VOPP1: variants seen among roughly 807,000 people sequenced by gnomAD.
VOPP1 encodes WW domain binding protein VOPP1.
VOPP1 carries 8 observed loss-of-function variants against 23.5 expected under a neutral mutation model. The observed-to-expected ratio is 0.34, with a 90% CI of 0.20 to 0.61. The LOEUF is 0.61. Among genes scored for constraint, VOPP1 ranks in the 20% least tolerant of loss-of-function variants. The pLI, the probability that VOPP1 is intolerant of heterozygous loss-of-function variation, is 0.78. For missense variants in VOPP1, 174 were observed against 238.1 expected (o/e 0.73, Z 1.77); for synonymous variants, 83 against 97.3 (o/e 0.85, Z 0.86).
chr7:55,516,905 C>CATATATATATATATATAT lies in VOPP1; in HGVS notation c.113+4149_113+4166dup, dbSNP rs1214913971. Among the ~76,000 whole-genome samples the CATATATATATATATATAT allele has an allele frequency of 3.0e-4, 13 of 43,168 alleles. No homozygotes were observed. In the East Asian group the frequency reaches 3.2e-3, roughly 11 times the overall value. The allele number at this position is 43,168 out of a possible 152,430, so 28.3% of individuals were successfully genotyped here. ...TGTACTTTTTAGATGAGATCCATTA[C>CATATATATATATATATAT]ATATATATATATATATATATATATA... On this transcript the variant is annotated intron_variant, in intron 2 of 4. Coordinates refer to ENST00000285279, the MANE Select transcript of VOPP1 (RefSeq NM_030796.5).
chr7:55,568,795 T>C (rs930335354), intron 1 of VOPP1, among the ~76,000 whole-genome samples: 2 of 152,208 alleles, frequency 1.3e-5, no homozygotes, highest in Admixed American at 1.3e-4. Flanking sequence ...AAAACCTTTT[T>C]TTTTCCTTTT....
chr7:55,515,054 G>A (rs1203138112), intron 2 of VOPP1, among the ~76,000 whole-genome samples: 3 of 152,126 alleles, frequency 2.0e-5, no homozygotes, highest in Non-Finnish European at 2.9e-5. Flanking sequence ...ATACAGGCAC[G>A]CCCTGTCACC....
intron 4 of VOPP1, among the ~76,000 whole-genome samples, chr7:55,438,764 G>A (rs79615643): frequency 6.6e-6 from 1 of 152,344 alleles, no homozygotes; most frequent in East Asian, 1.9e-4. Context: ...GGCCCACATT[G>A]TAAAGGGATC....
intron 4 of VOPP1, among the ~76,000 whole-genome samples, chr7:55,478,169 T>G (rs1157450871): frequency 6.6e-6 from 1 of 152,240 alleles, no homozygotes; most frequent in Non-Finnish European, 1.5e-5. Context: ...CGGTCTGGAA[T>G]GTGCCCACAG....
intron 1 of VOPP1, chr7:55,539,468 T>C (rs978094840): frequency 1.3e-5 from 2 of 152,160 alleles, no homozygotes; most frequent in Admixed American, 1.3e-4. Flanking sequence ...ATTTAAGAAT[T>C]CCATTCCACT....
At chr7:55,438,054 A>G (rs1233333532) in intron 4 of VOPP1, among the ~76,000 whole-genome samples, 1 of 151,122 alleles carries the variant, frequency 6.6e-6, no homozygotes, top group East Asian at 1.9e-4. Flanking sequence ...GGCGCCCCCA[A>G]CCTCACCCGG....
At chr7:55,516,004 A>T (rs1408227399) in intron 2 of VOPP1, 1 of 985,410 alleles carries the variant, frequency 1.0e-6, no homozygotes, top group Non-Finnish European at 1.2e-6. Flanking sequence ...GTGCTGGCAA[A>T]GGAGCTGAGG....
At chr7:55,468,425 T>C (rs908579414), downstream of VOPP1, among the ~76,000 whole-genome samples, 1 of 151,770 alleles carries the variant, frequency 6.6e-6, no homozygotes, top group African/African-American at 2.4e-5. Flanking sequence ...CAAGAGGAGG[T>C]AGGCAAATTG....
chr7:55,510,325 G>A (rs3942587), intron 2 of VOPP1, among the ~76,000 whole-genome samples: 87,293 of 152,032 alleles, frequency 0.57, 27,594 homozygotes, highest in Non-Finnish European at 0.68. Flanking sequence ...AGGTGCTGGG[G>A]TGATTACCCT....
Position 55,539,040 on chromosome 7 carries a change from A to AGG in VOPP1, c.55-17912_55-17911dup, listed in dbSNP as rs60010511. 6.8e-3 allele frequency among the ~76,000 whole-genome samples: 326 copies of AGG among 47,716 alleles called. 6 individuals are homozygous for AGG. Among genetic ancestry groups the AGG allele is most frequent in the African/African-American group, 8.7e-3 (133 of 15,320 alleles). 31.3% of individuals were successfully genotyped at this position (47,716 alleles called of 152,430 possible). A position where few individuals can be genotyped will look rare whatever the true frequency, so the allele number is the denominator to read the frequency against. ...TTTTGTTTCATTCCTTTAAAAAAAA[A>AGG]GGGGGGGGGGGAGGGGCGGGGTGCC... On this transcript the variant is annotated intron_variant, in intron 1 of 4. Coordinates refer to ENST00000285279, the MANE Select transcript of VOPP1 (RefSeq NM_030796.5).
chr7:55,497,774 T>A, intron 2 of VOPP1, 84 bp from the exon 3 acceptor site: 1 of 1,187,382 alleles, frequency 8.4e-7, no homozygotes, highest in Non-Finnish European at 1.3e-6. Flanking sequence ...GGCTTCAATG[T>A]AATCATTCTT....
intron 1 of VOPP1, chr7:55,521,604 G>A (rs1374146830): frequency 1.4e-5 from 14 of 987,708 alleles, no homozygotes; most frequent in African/African-American, 3.5e-5. Context: ...TGCGAGTCAC[G>A]GTTCACTCGT....
rs118147814 is a variant in VOPP1, at chr7:55,486,188, A to T, written c.328+6094T>A. Among the ~76,000 whole-genome samples the T allele has an allele frequency of 4.6e-5, 7 of 152,380 alleles. No individual in the cohort carries two copies. The East Asian group carries it at 1.3e-3, about 29-fold the overall frequency. On this transcript the variant is annotated intron_variant, in intron 4 of 4. Coordinates refer to ENST00000285279, the MANE Select transcript of VOPP1 (RefSeq NM_030796.5). ...TTTCTGTTCCCACTGATCAAAGATC[A>T]TAGATGTGCAAGCTTTGTTGTGAGT...
At chr7:55,540,626 G>A (rs149367856) in intron 1 of VOPP1, among the ~76,000 whole-genome samples, 2,170 of 152,110 alleles carry the variant, frequency 0.014, 57 homozygotes, top group African/African-American at 0.048. Context: ...GAGTAAACAC[G>A]TGGAGCATAA....
intron 2 of VOPP1, 104 bp downstream of exon 2, chr7:55,520,968 G>T (rs1795805165): frequency 1.3e-5 from 16 of 1,257,444 alleles, no homozygotes; most frequent in Non-Finnish European, 1.8e-5. Flanking sequence ...CAGAGGCTGG[G>T]CCACGCCGGG....
chr7:55,491,271 T>C (rs868432142), intron 4 of VOPP1, among the ~76,000 whole-genome samples: 1 of 152,274 alleles, frequency 6.6e-6, no homozygotes, highest in Admixed American at 6.5e-5. Flanking sequence ...ATTTTAATTA[T>C]ACATTACAGT....
chr7:55,487,309 C>T (rs1459783451), intron 4 of VOPP1, among the ~76,000 whole-genome samples: 1 of 152,150 alleles, frequency 6.6e-6, no homozygotes, highest in Non-Finnish European at 1.5e-5. Flanking sequence ...AACTATCTGT[C>T]GATGGGAAAA....
chr7:55,505,472 G>C (rs1794648283), intron 2 of VOPP1, among the ~76,000 whole-genome samples: 1 of 152,054 alleles, frequency 6.6e-6, no homozygotes, highest in Non-Finnish European at 1.5e-5. Context: ...TGGTAAGACG[G>C]AAAGGTGACA....
At chr7:55,571,745 C>G (rs1798365378) in intron 1 of VOPP1, 1 of 152,780 alleles carries the variant, frequency 6.5e-6, no homozygotes, top group Non-Finnish European at 1.5e-5. Context: ...GCGGGAACGC[C>G]TCCTCCCGCT....
Sources: gnomAD v4.1 joint callset for allele counts (sites outside exome capture counted in the v4.1 genomes callset) on GRCh38, gnomAD v4.1.1 for gene constraint, MANE v1.5 for transcripts, NCBI Gene and HGNC (gene_info 2026-07-23, HGNC 2026-07-21) for gene names.